NEDD4L: variants seen among roughly 807,000 people sequenced by gnomAD.
NEDD4L encodes NEDD4 like E3 ubiquitin protein ligase.
A neutral mutation model predicts 148.9 loss-of-function variants in NEDD4L; 54 were observed. The observed-to-expected ratio is 0.36, with a 90% CI of 0.29 to 0.45. The LOEUF (loss-of-function observed/expected upper bound fraction) is 0.45, where lower values mean the gene tolerates loss of function less well. NEDD4L is among the 20% of genes least tolerant of loss of function. The probability of loss-of-function intolerance (pLI) is 1.00; values close to 1 mark genes in which losing one functional copy is unlikely to be tolerated. For missense variants in NEDD4L, 856 were observed against 1,233.8 expected (o/e 0.69, Z 4.59); for synonymous variants, 433 against 440.7 (o/e 0.98, Z 0.22).
intron 2 of NEDD4L, among the ~76,000 whole-genome samples, chr18:58,222,452 C>T (rs2043877086): frequency 6.6e-6 from 1 of 152,136 alleles, no homozygotes; most frequent in African/African-American, 2.4e-5. Flanking sequence ...AGTCAAAGCC[C>T]AGAACATATT....
At chr18:58,254,323 G>C (rs2048252926) in intron 5 of NEDD4L, among the ~76,000 whole-genome samples, 1 of 151,634 alleles carries the variant, frequency 6.6e-6, no homozygotes, top group Admixed American at 6.6e-5. Flanking sequence ...GATGTTTCTG[G>C]ATCATAGAAA....
chr18:58,308,858 C>T (rs1000707598), intron 5 of NEDD4L, among the ~76,000 whole-genome samples: 8 of 152,244 alleles, frequency 5.3e-5, no homozygotes, highest in African/African-American at 1.9e-4. Context: ...TGGGCATTAC[C>T]TGATGCCCTC....
intron 5 of NEDD4L, among the ~76,000 whole-genome samples, chr18:58,271,495 T>C (rs929925565): frequency 2.6e-5 from 4 of 152,234 alleles, no homozygotes; most frequent in African/African-American, 9.6e-5. Flanking sequence ...CTCAAAAAGT[T>C]CTTTCTGGTT....
At position 58,370,378 on chromosome 18, in the gene NEDD4L, A is replaced by G. The variant is rs1235609724; in HGVS notation, c.2186-19A>G. On this transcript the variant is annotated intron_variant, in intron 22 of 30. Coordinates refer to ENST00000400345, the MANE Select transcript of NEDD4L (RefSeq NM_001144967.3). ...GTGTCAAAGACCTGAAACTAAACCC[A>G]GTGTTTACCGTGTTTTAGGTTTCTT... is the stretch of plus-strand genomic sequence containing the variant. 3 of 1,536,752 alleles carry G rather than the reference A, an allele frequency of 2.0e-6. No individual in the cohort carries two copies. Among genetic ancestry groups the G allele is most frequent in the African/African-American group, 1.4e-5 (1 of 73,512 alleles).
At chr18:58,344,914 G>C (rs1194104779) in intron 16 of NEDD4L, among the ~76,000 whole-genome samples, 3 of 152,130 alleles carry the variant, frequency 2.0e-5, no homozygotes, top group Non-Finnish European at 2.9e-5. Flanking sequence ...TATGATTTTA[G>C]TAATTTTAAC....
intron 1 of NEDD4L, among the ~76,000 whole-genome samples, chr18:58,111,032 T>G (rs2085387332): frequency 1.3e-5 from 2 of 152,218 alleles, no homozygotes; most frequent in African/African-American, 4.8e-5. Flanking sequence ...TTTTATTATA[T>G]TCAACGTTGT....
At chr18:58,079,849 A>G (rs995998082) in intron 1 of NEDD4L, among the ~76,000 whole-genome samples, 1 of 152,240 alleles carries the variant, frequency 6.6e-6, no homozygotes, top group Admixed American at 6.5e-5. Context: ...CAATGAAGGT[A>G]GTCCCCAGAG....
intron 1 of NEDD4L, among the ~76,000 whole-genome samples, chr18:58,049,103 G>A (rs1445158322): frequency 1.3e-5 from 2 of 152,188 alleles, no homozygotes; most frequent in African/African-American, 4.8e-5. Flanking sequence ...TTTTAGAATT[G>A]ATGAATTACA....
chr18:58,166,697 C>T (rs987881959), intron 2 of NEDD4L, among the ~76,000 whole-genome samples: 2 of 152,190 alleles, frequency 1.3e-5, no homozygotes, highest in Non-Finnish European at 2.9e-5. Flanking sequence ...CCTGCCTCTA[C>T]CCAGTACATT....
intron 26 of NEDD4L, 64 bp from the exon 27 acceptor site, chr18:58,387,375 T>C: frequency 6.9e-7 from 1 of 1,447,878 alleles, no homozygotes; most frequent in South Asian, 1.4e-5. Flanking sequence ...AGTTTGTTTT[T>C]CCTGTGAAAT....
intron 5 of NEDD4L, among the ~76,000 whole-genome samples, chr18:58,293,977 C>T (rs921248688): frequency 5.3e-5 from 8 of 152,222 alleles, no homozygotes; most frequent in Non-Finnish European, 1.0e-4. Context: ...TCCACCTTGG[C>T]TTCCCAAAGT....
At chr18:58,379,048 T>G (rs2047971231) in intron 24 of NEDD4L, among the ~76,000 whole-genome samples, 1 of 152,200 alleles carries the variant, frequency 6.6e-6, no homozygotes, top group Non-Finnish European at 1.5e-5. Flanking sequence ...TTGTGTTCCT[T>G]GTGTGGGGTC....
At chr18:58,147,700 C>T (rs6566938) in intron 1 of NEDD4L, among the ~76,000 whole-genome samples, 48,736 of 151,992 alleles carry the variant, frequency 0.32, 8,066 homozygotes, top group African/African-American at 0.34. Flanking sequence ...GAGACGGCCT[C>T]ATATCGTATG....
chr18:58,266,758 T>C (rs139148702), intron 5 of NEDD4L, among the ~76,000 whole-genome samples: 1 of 152,260 alleles, frequency 6.6e-6, no homozygotes, highest in East Asian at 1.9e-4. Context: ...GATGTGACTT[T>C]GGAGTGATTT....
chr18:58,232,597 T>C (rs561325324), intron 2 of NEDD4L, among the ~76,000 whole-genome samples: 4 of 152,368 alleles, frequency 2.6e-5, no homozygotes, highest in African/African-American at 9.6e-5. Context: ...ACATATCCTA[T>C]GGCACCCTTG....
At chr18:58,097,575 C>A (rs1324614245) in intron 1 of NEDD4L, among the ~76,000 whole-genome samples, 1 of 152,116 alleles carries the variant, frequency 6.6e-6, no homozygotes, top group South Asian at 2.1e-4. Context: ...GTATATCATG[C>A]CTTATCTAAA....
rs1885009306 is a variant in NEDD4L at position 58,248,570 on chromosome 18, C to T, written c.205-329C>T. Reference sequence around the variant, plus strand: ...CAGGGAGAGGGAAGTCAACAAAGTTCATTTCCTTCTTGGTAGAATAATCAT... The same window carrying T: ...CAGGGAGAGGGAAGTCAACAAAGTTTATTTCCTTCTTGGTAGAATAATCAT... On this transcript the variant is annotated intron_variant, in intron 3 of 30. Transcript: ENST00000400345. Among the ~76,000 whole-genome samples the T allele has an allele frequency of 2.0e-5, 3 of 152,176 alleles. No homozygotes were observed. In the South Asian group the frequency reaches 6.2e-4, roughly 32 times the overall value.
intron 5 of NEDD4L, among the ~76,000 whole-genome samples, chr18:58,270,771 C>CTTG (rs1164965983): frequency 6.6e-6 from 1 of 151,920 alleles, no homozygotes; most frequent in East Asian, 1.9e-4. Flanking sequence ...GGATAGAGGC[C>CTTG]GATTCCCTCT....
chr18:58,252,066 C>T lies in NEDD4L; in HGVS notation c.297+12C>T. The stretch of plus-strand genomic sequence containing the variant: ...ACGAAAATAGACTGGTAAGTGGATG[C>T]CTGTATTTGAATTTTGCTTCATTTT... On this transcript the variant is annotated intron_variant, in intron 5 of 30. Transcript: ENST00000400345. The T allele has an allele frequency of 6.4e-7, 1 of 1,563,234 alleles. No homozygotes were observed. The highest frequency in any genetic ancestry group is 8.8e-7 in the Non-Finnish European group (1 of 1,134,000).
Sources: allele counts gnomAD v4.1 joint callset (sites outside exome capture counted in the v4.1 genomes callset), GRCh38; gene constraint gnomAD v4.1.1; transcripts MANE v1.5; gene names NCBI Gene and HGNC (gene_info 2026-07-23, HGNC 2026-07-21).